Variants in ATAD2 observed in about 807,000 individuals in gnomAD.
ATAD2 encodes the protein ATPase family AAA domain containing 2.
A neutral mutation model predicts 168.9 loss-of-function variants in ATAD2; 62 were observed. The observed-to-expected ratio is 0.37, with a 90% CI of 0.30 to 0.45. The LOEUF (loss-of-function observed/expected upper bound fraction) is 0.45. Ranked by LOEUF, ATAD2 falls within the 20% of genes least tolerant of loss-of-function variation. ATAD2 has a pLI of 1.00. For synonymous variants in ATAD2, 613 were observed against 571.6 expected (o/e 1.07, Z -1.03); for missense variants, 1,419 against 1,667.8 (o/e 0.85, Z 2.60).
intron 1 of ATAD2, among the ~76,000 whole-genome samples, chr8:123,415,013 T>C (rs982955569): frequency 3.9e-5 from 6 of 152,248 alleles, no homozygotes; most frequent in Admixed American, 2.0e-4. Flanking sequence ...GTGTGATTTA[T>C]GCTTTAACGA....
Position 123,370,035 on chromosome 8 carries a change from G to C in ATAD2, c.728-11C>G, listed in dbSNP as rs751277281. 1.9e-6 allele frequency: 3 copies of C among 1,595,926 alleles called. No homozygotes were observed. The East Asian group carries it at 6.7e-5, about 36-fold the overall frequency. On this transcript the variant is annotated splice_polypyrimidine_tract_variant and intron_variant, in intron 6 of 27. Transcript: ENST00000287394. ...CCTCTTCAGATGACTCTACAATTAA[G>C]AGATCCTTACTTCCAGAAAGATACT...
Position 123,328,480 on chromosome 8 carries a change from G to A in ATAD2, c.3578C>T (p.Ala1193Val), listed in dbSNP as rs756836955. Residue 1193 changes from alanine to valine, a missense_variant, in exon 25 of 28, where the codon GCC (alanine) becomes GTC (valine). By Grantham distance (64) the Ala-to-Val change is moderately conservative (BLOSUM62 0). Transcript: ENST00000287394. ...ATCACTCTCAATTTTGTGATCTATG[G>A]CATTCTGGCTATCATCCTTTGCCTG... is the stretch of plus-strand genomic sequence containing the variant. Reference protein sequence around the residue: ...ISQAKDDSQNAIDHKIESDTE... With the variant: ...ISQAKDDSQNVIDHKIESDTE... 1.1e-5 allele frequency: 17 copies of A among 1,607,508 alleles called. No individual in the cohort carries two copies. Among genetic ancestry groups the A allele is most frequent in the Non-Finnish European group, 1.4e-5 (17 of 1,177,352 alleles).
In ATAD2 at chr8:123,328,472, G is replaced by C; in HGVS notation, c.3586C>G (p.His1196Asp). ...TCCTCTGTATCACTCTCAATTTTGTGATCTATGGCATTCTGGCTATCATCC... is the reference window on the plus strand; with the variant it reads ...TCCTCTGTATCACTCTCAATTTTGTCATCTATGGCATTCTGGCTATCATCC... ...AKDDSQNAID[H>D]KIESDTEETQ... Residue 1196 changes from histidine (H) to aspartate (D), a missense_variant, in exon 25 of 28, where the codon CAC becomes GAC. This residue lies in a region of ATAD2 where 303 missense variants were observed against 304.3 expected (regional missense o/e 1.00). Transcript: ENST00000287394. 1 of 1,608,080 alleles carries C rather than the reference G, an allele frequency of 6.2e-7. No individual in the cohort carries two copies. Among genetic ancestry groups the C allele is most frequent in the Middle Eastern group, 1.7e-4 (1 of 6,052 alleles).
intron 1 of ATAD2, among the ~76,000 whole-genome samples, chr8:123,409,855 G>A (rs376352598): frequency 1.7e-4 from 25 of 148,542 alleles, no homozygotes; most frequent in African/African-American, 5.7e-4. Context: ...AGAACTGCTT[G>A]AACCTGGGAG....
At chr8:123,398,636 C>T (rs1157399133), upstream of ATAD2, among the ~76,000 whole-genome samples, 2 of 152,248 alleles carry the variant, frequency 1.3e-5, no homozygotes, top group East Asian at 3.9e-4. Flanking sequence ...CTCAGCCTCC[C>T]TAGTAGCTGG....
chr8:123,406,908 C>G (rs918471699), intron 1 of ATAD2, among the ~76,000 whole-genome samples: 1 of 151,918 alleles, frequency 6.6e-6, no homozygotes, highest in Non-Finnish European at 1.5e-5. Flanking sequence ...TATAAACCTC[C>G]CCTTGTGAAT....
chr8:123,401,271 C>T (rs1180925390), upstream of ATAD2: 10 of 1,037,574 alleles, frequency 9.6e-6, no homozygotes, highest in African/African-American at 1.6e-5. Context: ...ACCGAGACTA[C>T]CCTGTGGCCT....
At chr8:123,371,947 G>T in intron 3 of ATAD2, 112 bp from the exon 4 acceptor site, 1 of 1,104,560 alleles carries the variant, frequency 9.1e-7, no homozygotes. Context: ...CAAAATTACA[G>T]TATCTTAAAC....
chr8:123,373,069 T>C (rs898182152), intron 2 of ATAD2, among the ~76,000 whole-genome samples: 1 of 151,800 alleles, frequency 6.6e-6, no homozygotes, highest in African/African-American at 2.4e-5. Flanking sequence ...ATTTTTTGGA[T>C]TTTTAGTAGA....
rs189821190 is a variant in ATAD2, at chr8:123,329,864, T to C, written c.3479-1285A>G. ...TAAGGTACAGAGAGGTTAAATATTC[T>C]GTCTAGACTAGATGCAGTATAACCA... On this transcript the variant is annotated intron_variant, in intron 24 of 27. Transcript: ENST00000287394. 4.9e-3 allele frequency among the ~76,000 whole-genome samples: 738 copies of C among 151,982 alleles called. 6 individuals carry two copies. The highest frequency in any genetic ancestry group is 8.9e-3 in the Non-Finnish European group (603 of 67,992).
chr8:123,373,788 CAAAAAA>C lies in ATAD2; in HGVS notation c.321-1108_321-1103del, dbSNP rs11285869. Among the ~76,000 whole-genome samples the C allele has an allele frequency of 8.8e-3, 640 of 72,882 alleles. 6 individuals are homozygous for C. Among genetic ancestry groups the C allele is most frequent in the African/African-American group, 0.03 (613 of 20,680 alleles). The allele number at this position is 72,882 out of a possible 152,430, so 47.8% of individuals were successfully genotyped here. A position where few individuals can be genotyped will look rare whatever the true frequency, so the allele number is the denominator to read the frequency against. The stretch of plus-strand genomic sequence containing the variant: ...TGGGCAACAGAGTGACACCTCGCCT[CAAAAAA>C]AAAAAAAAAAAAAAAAATCTACTAA... On this transcript the variant is annotated intron_variant, in intron 2 of 27. Transcript: ENST00000287394.
chr8:123,403,141 G>C (rs1440862307), intron 1 of ATAD2, among the ~76,000 whole-genome samples: 1 of 152,170 alleles, frequency 6.6e-6, no homozygotes, highest in Non-Finnish European at 1.5e-5. Context: ...CCAGGCTGGA[G>C]TGCAGTGGTG....
chr8:123,360,915 C>T (rs2131365491), intron 9 of ATAD2, among the ~76,000 whole-genome samples: 1 of 142,656 alleles, frequency 7.0e-6, no homozygotes, highest in South Asian at 2.2e-4. Context: ...AAGAGTTCCT[C>T]AGAACTTATC....
At chr8:123,389,802 T>C (rs1020645570) in intron 1 of ATAD2, among the ~76,000 whole-genome samples, 4 of 149,754 alleles carry the variant, frequency 2.7e-5, no homozygotes, top group Non-Finnish European at 4.4e-5. Flanking sequence ...ACTCTAAGGA[T>C]CTAGGAATCT....
chr8:123,390,152 T>C (rs926944343), intron 1 of ATAD2, among the ~76,000 whole-genome samples: 2 of 151,530 alleles, frequency 1.3e-5, no homozygotes, highest in Non-Finnish European at 2.9e-5. Context: ...CTAATTTTTG[T>C]ATTTTTAGTA....
intron 2 of ATAD2, among the ~76,000 whole-genome samples, chr8:123,379,657 G>C (rs1829432524): frequency 6.6e-6 from 1 of 151,484 alleles, no homozygotes; most frequent in South Asian, 2.1e-4. Context: ...CTGCCTCCCA[G>C]GTTCAAGTGA....
At chr8:123,400,204 C>T (rs553785240), upstream of ATAD2, among the ~76,000 whole-genome samples, 9 of 152,042 alleles carry the variant, frequency 5.9e-5, no homozygotes, top group Admixed American at 1.3e-4. This position sits in a 1 kb window ranked among gnomAD's most constrained non-coding sequence, Gnocchi z 4.5. Context: ...TCTGAGGAGG[C>T]GACATTTTAG....
chr8:123,379,882 T>TTAA (rs1469384981), intron 2 of ATAD2, among the ~76,000 whole-genome samples: 1 of 133,588 alleles, frequency 7.5e-6, no homozygotes, highest in East Asian at 2.2e-4. Flanking sequence ...ATTATTATTA[T>TTAA]TATTATTATT....
chr8:123,348,081 T>C, intron 15 of ATAD2, 102 bp downstream of exon 15: 1 of 954,054 alleles, frequency 1.0e-6, no homozygotes, highest in Non-Finnish European at 1.6e-6. Flanking sequence ...CCATTACTTT[T>C]ACAGGCAAAA....
Sources: gnomAD v4.1 joint callset for allele counts (sites outside exome capture counted in the v4.1 genomes callset) on GRCh38, gnomAD v4.1.1 for gene constraint, gnomAD v4.1.1 regional missense constraint, Gnocchi (gnomAD v3.1) non-coding constraint, MANE v1.5 for transcripts, NCBI Gene and HGNC (gene_info 2026-07-23, HGNC 2026-07-21) for gene names.